Variants in NTM observed in about 807,000 individuals in gnomAD.
NTM encodes neurotrimin, also known as IgLON family member 2.
Under a neutral mutation model 42.1 loss-of-function variants are expected in NTM, and 13 were observed. The ratio of observed to expected loss-of-function variants is 0.31; its 90% CI spans 0.20 to 0.49. NTM has a LOEUF of 0.49. NTM is among the 20% of genes least tolerant of loss of function. The pLI, the probability that NTM is intolerant of heterozygous loss-of-function variation, is 0.99. For missense variants in NTM, 373 were observed against 452.8 expected (o/e 0.82, Z 1.60); for synonymous variants, 187 against 179.2 (o/e 1.04, Z -0.35).
chr11:131,976,941 G>A (rs540549143), intron 2 of NTM, among the ~76,000 whole-genome samples: 8 of 152,182 alleles, frequency 5.3e-5, no homozygotes, highest in East Asian at 3.9e-4. Context: ...GAAAAATATC[G>A]GTGTGTGTGG....
At chr11:132,104,968 TA>T (rs2062147102) in intron 2 of NTM, among the ~76,000 whole-genome samples, 1 of 120,552 alleles carries the variant, frequency 8.3e-6, no homozygotes, top group African/African-American at 3.1e-5. Flanking sequence ...TATATATATA[TA>T]TATATATATA....
chr11:132,227,924 C>G (rs1209695047), intron 4 of NTM, among the ~76,000 whole-genome samples: 1 of 152,140 alleles, frequency 6.6e-6, no homozygotes, highest in Non-Finnish European at 1.5e-5. Context: ...CTGCTCATCC[C>G]CAGTCCCTCC....
intron 1 of NTM, among the ~76,000 whole-genome samples, chr11:131,753,158 C>A (rs890821002): frequency 6.6e-6 from 1 of 152,104 alleles, no homozygotes; most frequent in Non-Finnish European, 1.5e-5. Context: ...CATCACTGGC[C>A]ATCAGAGAAA....
At chr11:131,522,647 A>G (rs2049912655) in intron 1 of NTM, among the ~76,000 whole-genome samples, 1 of 152,218 alleles carries the variant, frequency 6.6e-6, no homozygotes, top group African/African-American at 2.4e-5. Context: ...GGTTGGAAGA[A>G]CTGGGATTAT....
intron 1 of NTM, among the ~76,000 whole-genome samples, chr11:131,616,088 T>C (rs564409420): frequency 9.6e-4 from 147 of 152,380 alleles, no homozygotes; most frequent in African/African-American, 3.4e-3. Flanking sequence ...TGTTCTCAGC[T>C]GATGCCTCTG....
At chr11:132,082,610 G>A (rs973574720) in intron 2 of NTM, among the ~76,000 whole-genome samples, 1 of 152,168 alleles carries the variant, frequency 6.6e-6, no homozygotes, top group Middle Eastern at 3.2e-3. Flanking sequence ...CTCCCTATTT[G>A]CCTAGGCATT....
At chr11:131,497,795 C>T (rs1282817728) in intron 1 of NTM, among the ~76,000 whole-genome samples, 1 of 152,002 alleles carries the variant, frequency 6.6e-6, no homozygotes, top group Admixed American at 6.5e-5. Context: ...GTCTCCTTGC[C>T]CCTAGTTTCA....
chr11:131,669,304 A>C (rs1223399721), intron 1 of NTM, among the ~76,000 whole-genome samples: 1 of 152,224 alleles, frequency 6.6e-6, no homozygotes, highest in Non-Finnish European at 1.5e-5. Context: ...CTCTGGAATC[A>C]GCCAAGCTGA....
chr11:131,484,886 T>C (rs756320859), intron 1 of NTM, among the ~76,000 whole-genome samples: 2 of 152,098 alleles, frequency 1.3e-5, no homozygotes, highest in Non-Finnish European at 2.9e-5. Context: ...CAAACAGAAA[T>C]GGAACATAAG....
At chr11:132,278,217 A>AC (rs2093810256) in intron 4 of NTM, among the ~76,000 whole-genome samples, 1 of 151,952 alleles carries the variant, frequency 6.6e-6, no homozygotes, top group Admixed American at 6.6e-5. Flanking sequence ...GTAAGAAACC[A>AC]CCCCCAAGCT....
At chr11:131,390,202 G>C (rs1318276326) in intron 1 of NTM, among the ~76,000 whole-genome samples, 1 of 152,142 alleles carries the variant, frequency 6.6e-6, no homozygotes, top group Non-Finnish European at 1.5e-5. Flanking sequence ...GGTAAAAGAG[G>C]GAGTAAGAAA....
intron 1 of NTM, among the ~76,000 whole-genome samples, chr11:131,679,813 C>T (rs1169523278): frequency 3.9e-5 from 6 of 152,074 alleles, no homozygotes; most frequent in Admixed American, 2.6e-4. Flanking sequence ...TCTGACGGCC[C>T]TCCCAGTCAC....
rs563973622 is a variant in NTM at position 132,022,002 on chromosome 11, A to G, written c.167+110354A>G. On this transcript the variant is annotated intron_variant, in intron 2 of 8. Transcript: ENST00000683400. ...GCCCTGAGCAGAACCTGGGGTAGTC[A>G]TTGGCCCTCCCCTCTAGCCTTTGAG... is the stretch of plus-strand genomic sequence containing the variant. Among the ~76,000 whole-genome samples, 14 of 152,272 alleles carry G rather than the reference A, an allele frequency of 9.2e-5. No individual in the cohort carries two copies. The East Asian group carries it at 2.5e-3, about 27-fold the overall frequency.
chr11:132,309,818 G>T (rs2095223339), intron 5 of NTM, among the ~76,000 whole-genome samples: 1 of 152,122 alleles, frequency 6.6e-6, no homozygotes, highest in African/African-American at 2.4e-5. Context: ...CCCTTTTGGA[G>T]GCTGAGGCGA....
intron 1 of NTM, among the ~76,000 whole-genome samples, chr11:131,787,314 C>T (rs949698610): frequency 1.0e-4 from 15 of 149,412 alleles, no homozygotes; most frequent in African/African-American, 2.9e-4. Context: ...GAAAATACTT[C>T]ACAGTATTTT....
At chr11:131,492,784 G>T (rs193009200) in intron 1 of NTM, among the ~76,000 whole-genome samples, 2 of 152,314 alleles carry the variant, frequency 1.3e-5, no homozygotes, top group East Asian at 3.9e-4. Flanking sequence ...ACGTTAATTT[G>T]CAGGGAGTGA....
intron 1 of NTM, among the ~76,000 whole-genome samples, chr11:131,507,533 G>T (rs1277620585): frequency 6.6e-6 from 1 of 152,162 alleles, no homozygotes; most frequent in Non-Finnish European, 1.5e-5. Flanking sequence ...TTGACTTGGT[G>T]ATGCGGGCTC....
At chr11:132,057,164 T>A (rs940760080) in intron 2 of NTM, among the ~76,000 whole-genome samples, 1 of 152,198 alleles carries the variant, frequency 6.6e-6, no homozygotes, top group Non-Finnish European at 1.5e-5. Context: ...ATACTTGAGC[T>A]ATCTGATTGT....
chr11:132,268,573 G>T (rs1291255015), intron 4 of NTM, among the ~76,000 whole-genome samples: 3 of 151,970 alleles, frequency 2.0e-5, no homozygotes, highest in Non-Finnish European at 4.4e-5. Context: ...TCAAGTGTGT[G>T]TGTCTGTGTG....
Sources: gnomAD v4.1 joint callset for allele counts (sites outside exome capture counted in the v4.1 genomes callset) on GRCh38, gnomAD v4.1.1 for gene constraint, MANE v1.5 for transcripts, NCBI Gene and HGNC (gene_info 2026-07-23, HGNC 2026-07-21) for gene names.